Variants in LPCAT2 observed in about 807,000 individuals in gnomAD.
The protein encoded by LPCAT2 is 1-AGP acyltransferase 11.
Under a neutral mutation model 64.7 loss-of-function variants are expected in LPCAT2, and 58 were observed. The ratio of observed to expected loss-of-function variants is 0.90; its 90% confidence interval spans 0.73 to 1.12. The LOEUF is 1.12. LPCAT2 is among the 50% of genes most tolerant of loss of function. The pLI is 0.00. For synonymous variants in LPCAT2, 252 were observed against 245.3 expected (o/e 1.03, Z -0.26); for missense variants, 579 against 669.8 (o/e 0.86, Z 1.50).
chr16:55,549,560 T>C (rs574822949), intron 10 of LPCAT2, among the ~76,000 whole-genome samples, 158 bp downstream of exon 10: 55 of 152,340 alleles, frequency 3.6e-4, no homozygotes, highest in Non-Finnish European at 5.3e-4. Flanking sequence ...ATTTTATTCA[T>C]CTACTTTTGC....
intron 1 of LPCAT2, among the ~76,000 whole-genome samples, chr16:55,515,316 C>T (rs1962995504): frequency 6.6e-6 from 1 of 151,788 alleles, no homozygotes; most frequent in Non-Finnish European, 1.5e-5. Flanking sequence ...CCACAGAGAC[C>T]ACAAGGGAGT....
rs1222738706 is a variant in LPCAT2, at chr16:55,571,426, C to T, written c.1216-3205C>T. On this transcript the variant is annotated intron_variant, in intron 11 of 13. Transcript: ENST00000262134. The stretch of plus-strand genomic sequence containing the variant: ...ATGCTTTTCTGATCCTGCTGACTTC[C>T]AGGAAAGGGATGGGGCCCACTGTCT... Among the ~76,000 whole-genome samples the T allele has an allele frequency of 2.0e-5, 3 of 152,108 alleles. No individual in the cohort carries two copies. The South Asian group carries it at 6.2e-4, about 32-fold the overall frequency.
intron 1 of LPCAT2, among the ~76,000 whole-genome samples, chr16:55,511,898 CT>C (rs1962937690): frequency 6.6e-6 from 1 of 152,088 alleles, no homozygotes; most frequent in Non-Finnish European, 1.5e-5. Context: ...AAGATTATTG[CT>C]TGTTTTTTAA....
intron 8 of LPCAT2, chr16:55,540,211 T>C (rs1173215509): frequency 1.3e-5 from 2 of 152,216 alleles, no homozygotes; most frequent in Admixed American, 6.5e-5. Context: ...TTTTCTCGAC[T>C]CTTGGATCTT....
rs535026470 is a variant in LPCAT2, at chr16:55,509,172, C to G, written c.-10C>G. 9 of 1,344,642 alleles carry G rather than the reference C, an allele frequency of 6.7e-6. No individual in the cohort carries two copies. The African/African-American group carries it at 1.4e-4, about 20-fold the overall frequency. 83.3% of individuals were successfully genotyped at this position (1,344,642 alleles called of 1,614,324 possible). A position where few individuals can be genotyped will look rare whatever the true frequency, so the allele number is the denominator to read the frequency against. On this transcript the variant is annotated 5_prime_UTR_variant, in exon 1 of 14. Transcript: ENST00000262134. ...GATCGCTTCGGCCGGGTTCTACGCC[C>G]GGCTCAACTATGAGCCGGTGCGCCC...
At chr16:55,530,330 C>T (rs1387621871) in intron 4 of LPCAT2, among the ~76,000 whole-genome samples, 2 of 152,040 alleles carry the variant, frequency 1.3e-5, no homozygotes, top group African/African-American at 4.8e-5. Context: ...TATATAAGCT[C>T]AGTTATACTC....
In LPCAT2 at chr16:55,529,835, G is replaced by A; in HGVS notation, c.530G>A (p.Arg177Lys). 1 of 1,594,284 alleles carries A rather than the reference G, an allele frequency of 6.3e-7. No individual in the cohort carries two copies. The highest frequency in any genetic ancestry group is 8.5e-7 in the Non-Finnish European group (1 of 1,169,926). ...NENAQVPLIG[R>K]LLRAVQPVLV... Reference sequence around the variant, plus strand: ...CTGTAACTTTTCATTTGTTTTAAAGGACTGTTACGGGCTGTGCAACCAGTT... The same window carrying A: ...CTGTAACTTTTCATTTGTTTTAAAGAACTGTTACGGGCTGTGCAACCAGTT... Residue 177 changes from arginine to lysine, a missense_variant and splice_region_variant, in exon 4 of 14, where the codon AGA becomes AAA. By Grantham distance (26) the Arg-to-Lys change is conservative. Transcript: ENST00000262134.
intron 11 of LPCAT2, chr16:55,566,595 G>T: frequency 1.4e-6 from 1 of 711,420 alleles, no homozygotes; most frequent in Admixed American, 3.0e-5. Context: ...TGGAACTCAG[G>T]TATCTTCAGT....
intron 11 of LPCAT2, among the ~76,000 whole-genome samples, chr16:55,560,540 A>G (rs1472482559): frequency 6.6e-6 from 1 of 152,148 alleles, no homozygotes; most frequent in Non-Finnish European, 1.5e-5. Flanking sequence ...ATTAAATTAA[A>G]TTAACATATA....
intron 1 of LPCAT2, among the ~76,000 whole-genome samples, chr16:55,521,805 A>AT (rs768705721): frequency 3.3e-5 from 5 of 151,628 alleles, no homozygotes; most frequent in Admixed American, 6.6e-5. Context: ...CCCACTAGTG[A>AT]TAAAAAAAGT....
intron 1 of LPCAT2, among the ~76,000 whole-genome samples, chr16:55,521,573 T>G (rs1212183816): frequency 6.6e-6 from 1 of 151,606 alleles, no homozygotes; most frequent in Admixed American, 6.6e-5. Flanking sequence ...CTAAAAGAAC[T>G]CTTAACAAAA....
intron 1 of LPCAT2, among the ~76,000 whole-genome samples, chr16:55,523,981 C>T (rs531341371): frequency 6.6e-6 from 1 of 151,806 alleles, no homozygotes; most frequent in East Asian, 1.9e-4. Context: ...TGAAATTCTC[C>T]CACATTTCCA....
intron 8 of LPCAT2, among the ~76,000 whole-genome samples, chr16:55,543,317 A>G (rs1325172526): frequency 6.6e-6 from 1 of 152,212 alleles, no homozygotes; most frequent in Non-Finnish European, 1.5e-5. Flanking sequence ...TACCTGCACT[A>G]ATATAAAACC....
chr16:55,515,556 A>G, intron 1 of LPCAT2, among the ~76,000 whole-genome samples: 1 of 152,248 alleles, frequency 6.6e-6, no homozygotes, highest in Non-Finnish European at 1.5e-5. Flanking sequence ...AAAGGTAACT[A>G]CATGGGTAGA....
intron 11 of LPCAT2, chr16:55,566,700 A>T (rs1052466735): frequency 6.5e-7 from 1 of 1,538,544 alleles, no homozygotes. Flanking sequence ...ACTCCATTTC[A>T]TCTTTTTTCA....
At chr16:55,541,795 A>G (rs997712668) in intron 8 of LPCAT2, 271 of 1,088,292 alleles carry the variant, frequency 2.5e-4, no homozygotes, top group Non-Finnish European at 3.1e-4. Flanking sequence ...GGCACATAGT[A>G]AGTGTTCAAT....
intron 11 of LPCAT2, among the ~76,000 whole-genome samples, chr16:55,565,917 TGAAA>T (rs1325283700): frequency 6.6e-6 from 1 of 152,112 alleles, no homozygotes; most frequent in Non-Finnish European, 1.5e-5. Flanking sequence ...AAGGAATAAA[TGAAA>T]GAGTCTGTAC....
At chr16:55,519,689 G>A (rs958346024) in intron 1 of LPCAT2, among the ~76,000 whole-genome samples, 3 of 152,066 alleles carry the variant, frequency 2.0e-5, no homozygotes, top group Non-Finnish European at 4.4e-5. Flanking sequence ...GCTAGAAAAT[G>A]TAACCATTTA....
At chr16:55,536,956 T>C (rs1378214628) in intron 7 of LPCAT2, among the ~76,000 whole-genome samples, 5 of 152,200 alleles carry the variant, frequency 3.3e-5, no homozygotes, top group Non-Finnish European at 7.3e-5. Context: ...ACTGGGACAA[T>C]TTTGATAAAG....
Sources: gnomAD v4.1 joint callset for allele counts (sites outside exome capture counted in the v4.1 genomes callset) on GRCh38, gnomAD v4.1.1 for gene constraint, MANE v1.5 for transcripts, NCBI Gene and HGNC (gene_info 2026-07-23, HGNC 2026-07-21) for gene names.